The following R3HCC1L variants were observed in gnomAD, a reference collection of about 807,000 sequenced individuals.
R3HCC1L encodes the protein coiled-coil domain-containing protein R3HCC1L.
R3HCC1L carries 51 observed loss-of-function variants against 59.9 expected under a neutral mutation model. The observed-to-expected ratio is 0.85, with a 90% confidence interval of 0.68 to 1.07. R3HCC1L has a LOEUF of 1.07. Among genes scored for constraint, R3HCC1L ranks in the 50% least tolerant of loss-of-function variants. R3HCC1L has a pLI of 0.00. For missense variants in R3HCC1L, 965 were observed against 933.0 expected (o/e 1.03, Z -0.45); for synonymous variants, 322 against 315.2 (o/e 1.02, Z -0.23).
intron 4 of R3HCC1L, among the ~76,000 whole-genome samples, chr10:98,166,954 C>CG (rs1281757005): frequency 2.6e-5 from 4 of 152,062 alleles, no homozygotes; most frequent in African/African-American, 9.7e-5. Context: ...CGTGAGCCAC[C>CG]GCGCCTGACC....
chr10:98,209,836 GGAGA>G lies in R3HCC1L; in HGVS notation c.1724_1727del (p.Glu575AlafsTer94), dbSNP rs1242691651. ...ACACAGAGGGAATTACTGCCATTGA[GGAGA>G]GCTGGGAGTCTATGTTTAACGATGA... On this transcript the variant is annotated frameshift_variant, in exon 5 of 10. Transcript: ENST00000298999. LOFTEE classifies it high-confidence loss of function. The G allele has an allele frequency of 1.9e-6, 3 of 1,613,748 alleles. No individual in the cohort carries two copies. Among genetic ancestry groups the G allele is most frequent in the Admixed American group, 3.3e-5 (2 of 60,008 alleles).
chr10:98,224,246 G>A (rs1480886702), intron 5 of R3HCC1L, among the ~76,000 whole-genome samples: 1 of 152,030 alleles, frequency 6.6e-6, no homozygotes, highest in East Asian at 1.9e-4. Context: ...AGCTAGGAGG[G>A]GCATAATGTG....
At chr10:98,216,231 T>TA (rs977021409) in intron 5 of R3HCC1L, among the ~76,000 whole-genome samples, 1 of 152,130 alleles carries the variant, frequency 6.6e-6, no homozygotes, top group Non-Finnish European at 1.5e-5. Context: ...TATATGTTCT[T>TA]ACCTGAGCAG....
intron 9 of R3HCC1L, among the ~76,000 whole-genome samples, chr10:98,243,220 A>G (rs1282073682): frequency 2.6e-5 from 4 of 152,236 alleles, no homozygotes; most frequent in African/African-American, 9.6e-5. Context: ...TCCCTGGTTC[A>G]TGACTTGCTA....
At chr10:98,190,090 C>T (rs1272763652) in intron 4 of R3HCC1L, among the ~76,000 whole-genome samples, 1 of 152,192 alleles carries the variant, frequency 6.6e-6, no homozygotes, top group Non-Finnish European at 1.5e-5. Context: ...CTCTAGATTA[C>T]TTATACCTAA....
chr10:98,208,936 T>C lies in R3HCC1L; in HGVS notation c.822T>C (p.Asp274=). 6.2e-7 allele frequency: 1 copy of C among 1,614,134 alleles called. No homozygotes were observed. The highest frequency in any genetic ancestry group is 8.5e-7 in the Non-Finnish European group (1 of 1,179,984). The change falls in exon 5 of 10, where the codon GAT becomes GAC. Residue 274 remains aspartate, a synonymous_variant. Coordinates refer to ENST00000298999, the MANE Select transcript of R3HCC1L (RefSeq NM_001351015.2). The part of the protein sequence containing the change: ...ITTTSVPGSP[D]GVFDQTCVDF... ...CTACTTCTGTTCCTGGAAGTCCAGA[T>C]GGTGTCTTTGATCAAACTTGCGTAG...
intron 4 of R3HCC1L, among the ~76,000 whole-genome samples, chr10:98,178,473 A>G (rs1849275495): frequency 6.6e-6 from 1 of 152,126 alleles, no homozygotes; most frequent in Admixed American, 6.5e-5. Context: ...GTAGCCTTGT[A>G]GTATAGTTTG....
intron 1 of R3HCC1L, among the ~76,000 whole-genome samples, chr10:98,154,819 A>G (rs529554338): frequency 1.3e-5 from 2 of 152,344 alleles, no homozygotes; most frequent in South Asian, 2.1e-4. Context: ...TATGAGTACA[A>G]ATTCACTCTT....
rs140106160 is a variant in R3HCC1L, at chr10:98,151,348, G to A, written c.-267-4745G>A. 3.3e-5 allele frequency among the ~76,000 whole-genome samples: 5 copies of A among 152,218 alleles called. No homozygotes were observed. The East Asian group carries it at 9.7e-4, about 29-fold the overall frequency. On this transcript the variant is annotated intron_variant, in intron 1 of 9. Transcript: ENST00000298999. ...CTTGAGCAATTTATTTAATTTGTCT[G>A]GGCCTCATTTCCTCATTTGTAAAAT... is the stretch of plus-strand genomic sequence containing the variant.
chr10:98,154,937 A>G (rs1304538413), intron 1 of R3HCC1L, among the ~76,000 whole-genome samples: 1 of 152,212 alleles, frequency 6.6e-6, no homozygotes, highest in African/African-American at 2.4e-5. Flanking sequence ...CCGTATATAT[A>G]CGTATGTATG....
At chr10:98,189,061 A>G (rs767916701) in intron 4 of R3HCC1L, among the ~76,000 whole-genome samples, 3 of 152,214 alleles carry the variant, frequency 2.0e-5, no homozygotes, top group Non-Finnish European at 4.4e-5. Context: ...TGAAGTTCAT[A>G]TATTTTGCTC....
chr10:98,225,737 C>T (rs1238144352), intron 5 of R3HCC1L, among the ~76,000 whole-genome samples: 2 of 152,074 alleles, frequency 1.3e-5, no homozygotes, highest in Non-Finnish European at 2.9e-5. Context: ...ATAGGTACCT[C>T]GGAAATGAGA....
At chr10:98,143,740 T>C (rs940200168) in intron 1 of R3HCC1L, among the ~76,000 whole-genome samples, 2 of 152,214 alleles carry the variant, frequency 1.3e-5, no homozygotes, top group African/African-American at 4.8e-5. Flanking sequence ...TTTTGAGTTA[T>C]TACTACTGTC....
chr10:98,237,823 T>A (rs1857126820), intron 9 of R3HCC1L, among the ~76,000 whole-genome samples: 1 of 152,212 alleles, frequency 6.6e-6, no homozygotes, highest in Admixed American at 6.5e-5. Flanking sequence ...GGGCAGATAC[T>A]TATATGCTTG....
intron 1 of R3HCC1L, among the ~76,000 whole-genome samples, chr10:98,148,380 T>G (rs1259512914): frequency 6.6e-6 from 1 of 152,166 alleles, no homozygotes; most frequent in African/African-American, 2.4e-5. Flanking sequence ...CCTGTATTTC[T>G]TTCTCTTGCC....
At chr10:98,194,815 T>C (rs1285655189) in intron 4 of R3HCC1L, among the ~76,000 whole-genome samples, 1 of 152,020 alleles carries the variant, frequency 6.6e-6, no homozygotes, top group Non-Finnish European at 1.5e-5. Context: ...AAACAGAAAA[T>C]AACAAGTGTT....
intron 2 of R3HCC1L, among the ~76,000 whole-genome samples, chr10:98,160,103 C>G (rs932391062): frequency 2.0e-5 from 3 of 152,074 alleles, no homozygotes; most frequent in Non-Finnish European, 4.4e-5. Flanking sequence ...GAAACCTGGC[C>G]CTATTACTCA....
chr10:98,151,496 T>C (rs1280708040), intron 1 of R3HCC1L, among the ~76,000 whole-genome samples: 1 of 152,224 alleles, frequency 6.6e-6, no homozygotes, highest in African/African-American at 2.4e-5. Flanking sequence ...GCAACTACTA[T>C]TATTGTTTCT....
At chr10:98,136,685 A>G (rs984193037) in intron 1 of R3HCC1L, among the ~76,000 whole-genome samples, 1 of 152,098 alleles carries the variant, frequency 6.6e-6, no homozygotes, top group African/African-American at 2.4e-5. Flanking sequence ...AAAGTACAAA[A>G]AATTAACCAG....
Sources: gnomAD v4.1 joint callset for allele counts (sites outside exome capture counted in the v4.1 genomes callset) on GRCh38, gnomAD v4.1.1 for gene constraint, MANE v1.5 for transcripts, NCBI Gene and HGNC (gene_info 2026-07-23, HGNC 2026-07-21) for gene names.